Variants in DCAF6 observed in about 807,000 individuals in gnomAD.
DCAF6 encodes the protein DDB1 and CUL4 associated factor 6.
DCAF6 carries 54 observed loss-of-function variants against 125.1 expected under a neutral mutation model. The ratio of observed to expected loss-of-function variants is 0.43; its 90% confidence interval spans 0.35 to 0.54. The LOEUF is 0.54. Among genes scored for constraint, DCAF6 ranks in the 20% least tolerant of loss-of-function variants. DCAF6 has a pLI of 0.01. For missense variants in DCAF6, 934 were observed against 1,161.7 expected (o/e 0.80, Z 2.85); for synonymous variants, 371 against 390.4 (o/e 0.95, Z 0.58).
At chr1:168,021,970 T>C (rs1331812454) in intron 11 of DCAF6, among the ~76,000 whole-genome samples, 1 of 152,112 alleles carries the variant, frequency 6.6e-6, no homozygotes, top group African/African-American at 2.4e-5. Context: ...TGGGAATTAT[T>C]CTTATTGGTT....
At chr1:167,955,911 G>T (rs886924453) in intron 2 of DCAF6, among the ~76,000 whole-genome samples, 1 of 152,058 alleles carries the variant, frequency 6.6e-6, no homozygotes, top group Non-Finnish European at 1.5e-5. Flanking sequence ...ATAGGTGCAT[G>T]CCACCACCCC....
chr1:168,018,703 C>T (rs183448567), intron 11 of DCAF6, among the ~76,000 whole-genome samples: 3 of 152,288 alleles, frequency 2.0e-5, no homozygotes, highest in Non-Finnish European at 4.4e-5. Context: ...TACACCACAA[C>T]TCATTTAGGA....
chr1:168,069,396 C>T lies in DCAF6; in HGVS notation c.2791+933C>T, dbSNP rs112906965. On this transcript the variant is annotated intron_variant, in intron 21 of 21. Coordinates refer to ENST00000367840, the MANE Select transcript of DCAF6 (RefSeq NM_001198956.2). ...TGACTACTCCATCCACACTGGCCCT[C>T]TTTGATTTTTGGGGATACACCAAAC... 2.9e-3 allele frequency among the ~76,000 whole-genome samples: 447 copies of T among 152,322 alleles called. 1 individual carries two copies. The highest frequency in any genetic ancestry group is 0.01 in the African/African-American group (425 of 41,566).
chr1:167,929,211 A>G, the DCAF6 span, among the ~76,000 whole-genome samples: 1 of 148,796 alleles, frequency 6.7e-6, no homozygotes, highest in Non-Finnish European at 1.5e-5. Context: ...ATACAAAATT[A>G]GCCGGGCGTG....
the DCAF6 span, chr1:167,924,481 A>G: frequency 6.3e-7 from 1 of 1,594,090 alleles, no homozygotes; most frequent in Non-Finnish European, 8.5e-7. Context: ...AGCTTCCGTA[A>G]AAACTCAAGA....
Position 168,066,360 on chromosome 1 carries a change from A to G in DCAF6, c.2597-17A>G, listed in dbSNP as rs369105952. On this transcript the variant is annotated splice_polypyrimidine_tract_variant and intron_variant, in intron 19 of 21. Transcript: ENST00000367840. ...ATGTTTCTAGGCTTCATATTAATAT[A>G]TAAATTTTATTTCTAGTTTTAGCCT... 2 of 1,517,328 alleles carry G rather than the reference A, an allele frequency of 1.3e-6. No individual in the cohort carries two copies. Among genetic ancestry groups the G allele is most frequent in the East Asian group, 2.3e-5 (1 of 43,690 alleles). 94.0% of individuals were successfully genotyped at this position (1,517,328 alleles called of 1,614,324 possible).
chr1:167,903,286 G>A, the DCAF6 span, among the ~76,000 whole-genome samples: 4 of 145,320 alleles, frequency 2.8e-5, no homozygotes, highest in East Asian at 6.2e-4. Flanking sequence ...AAAAATAGCC[G>A]GGCACCCTGG....
intron 4 of DCAF6, among the ~76,000 whole-genome samples, chr1:167,977,753 T>C (rs12059034): frequency 0.03 from 4,551 of 152,238 alleles, 236 homozygotes; most frequent in African/African-American, 0.1. Flanking sequence ...TATTAGACCT[T>C]ATTCCATCCA....
At chr1:168,035,699 T>C (rs1472106430) in intron 12 of DCAF6, among the ~76,000 whole-genome samples, 4 of 152,196 alleles carry the variant, frequency 2.6e-5, no homozygotes, top group East Asian at 1.9e-4. Flanking sequence ...AATCATTTTA[T>C]GATTAAATGA....
In DCAF6 at chr1:168,006,669, A is replaced by T. The variant is rs114972287; in HGVS notation, c.1378+1876A>T. Among the ~76,000 whole-genome samples the T allele has an allele frequency of 3.9e-3, 599 of 152,242 alleles. 4 individuals carry two copies. The highest frequency in any genetic ancestry group is 0.014 in the African/African-American group (579 of 41,546). ...AATATTGGGAATTGTCCATTGGGTG[A>T]ATGTAGTAGATGGAAATGTCAGCTT... On this transcript the variant is annotated intron_variant, in intron 10 of 21. Coordinates refer to ENST00000367840, the MANE Select transcript of DCAF6 (RefSeq NM_001198956.2).
At position 168,075,725 on chromosome 1, in the gene DCAF6, A is replaced by G. The variant is rs780564151; in HGVS notation, c.*290A>G. 1.9e-5 allele frequency: 5 copies of G among 262,946 alleles called. No homozygotes were observed. Among genetic ancestry groups the G allele is most frequent in the Non-Finnish European group, 2.8e-5 (4 of 140,790 alleles). The allele number at this position is 262,946 out of a possible 1,614,324, so 16.3% of individuals were successfully genotyped here. On this transcript the variant is annotated 3_prime_UTR_variant, in exon 22 of 22. Coordinates refer to ENST00000367840, the MANE Select transcript of DCAF6 (RefSeq NM_001198956.2). ...CCTTCAAATGTGGGAGCTTGGATCA[A>G]TGTTGAAGAATAATTTTCATCATAG...
At chr1:167,961,052 T>C (rs183353479) in intron 2 of DCAF6, among the ~76,000 whole-genome samples, 5 of 152,352 alleles carry the variant, frequency 3.3e-5, no homozygotes, top group African/African-American at 7.2e-5. Context: ...AGAAATCTTA[T>C]ACATATTTCA....
chr1:167,905,016 A>G, the DCAF6 span: 2 of 1,614,016 alleles, frequency 1.2e-6, no homozygotes, highest in African/African-American at 2.7e-5. Flanking sequence ...AAACATCAGG[A>G]CTCCGTCAAA....
chr1:167,905,112 T>C, the DCAF6 span: 1 of 1,614,228 alleles, frequency 6.2e-7, no homozygotes, highest in Non-Finnish European at 8.5e-7. Context: ...TATGGGCCAG[T>C]CCTGGAATTC....
At chr1:167,886,592 AC>A in the DCAF6 span, among the ~76,000 whole-genome samples, 1 of 152,198 alleles carries the variant, frequency 6.6e-6, no homozygotes, top group East Asian at 1.9e-4. Flanking sequence ...AACCATAAAA[AC>A]CCTAGAAGAA....
intron 7 of DCAF6, among the ~76,000 whole-genome samples, chr1:167,999,311 A>G (rs1171216841): frequency 2.0e-5 from 3 of 152,140 alleles, no homozygotes; most frequent in African/African-American, 7.2e-5. Flanking sequence ...AGATTCAATT[A>G]AACATAATTC....
chr1:168,019,141 C>T (rs1241748545), intron 11 of DCAF6, among the ~76,000 whole-genome samples: 10 of 151,778 alleles, frequency 6.6e-5, no homozygotes, highest in African/African-American at 1.7e-4. Flanking sequence ...CTCCACCTCC[C>T]GGGTTCAAGT....
chr1:168,001,135 T>TA (rs959441136), intron 7 of DCAF6, among the ~76,000 whole-genome samples: 5 of 152,014 alleles, frequency 3.3e-5, no homozygotes. Context: ...ACTCCATCTC[T>TA]AAAAAAATTT....
At chr1:167,875,961 A>G in the DCAF6 span, among the ~76,000 whole-genome samples, 1 of 151,868 alleles carries the variant, frequency 6.6e-6, no homozygotes, top group Non-Finnish European at 1.5e-5. Flanking sequence ...TCAAAAAGAA[A>G]AAAAAGGACT....
Sources: gnomAD v4.1 joint callset for allele counts (sites outside exome capture counted in the v4.1 genomes callset) on GRCh38, gnomAD v4.1.1 for gene constraint, MANE v1.5 for transcripts, NCBI Gene and HGNC (gene_info 2026-07-23, HGNC 2026-07-21) for gene names.